The following KAZN variants were observed in gnomAD, a reference collection of about 807,000 sequenced individuals.
KAZN encodes kazrin.
A neutral mutation model predicts 87.4 loss-of-function variants in KAZN; 40 were observed. That is an observed-to-expected ratio of 0.46 (90% confidence interval 0.36 to 0.60). The LOEUF (loss-of-function observed/expected upper bound fraction) is 0.60, where lower values mean the gene tolerates loss of function less well. KAZN is among the 20% of genes least tolerant of loss of function. The probability of loss-of-function intolerance (pLI) is 0.00; values close to 1 mark genes in which losing one functional copy is unlikely to be tolerated. For missense variants in KAZN, 898 were observed against 1,073.9 expected, an observed-to-expected ratio of 0.84 and a Z score of 2.29; for synonymous variants, 466 against 458.3, an observed-to-expected ratio of 1.02 and a Z score of -0.22.
At chr1:14,621,115 G>T (rs1678663416) in intron 1 of KAZN, among the ~76,000 whole-genome samples, 1 of 152,194 alleles carries the variant, frequency 6.6e-6, no homozygotes, top group South Asian at 2.1e-4. Context: ...ACAGTTGCTG[G>T]AATGGAGGCC....
intron 2 of KAZN, among the ~76,000 whole-genome samples, chr1:14,573,315 G>A (rs914710427): frequency 6.6e-6 from 1 of 152,132 alleles, no homozygotes; most frequent in Admixed American, 6.5e-5. Flanking sequence ...TCTACTTGTG[G>A]CTTTCCCATA....
At chr1:14,562,744 G>A (rs757722560) in intron 2 of KAZN, among the ~76,000 whole-genome samples, 38 of 152,306 alleles carry the variant, frequency 2.5e-4, no homozygotes, top group Non-Finnish European at 5.0e-4. Flanking sequence ...AGTGCAAGGA[G>A]TGCCCTGTGT....
In KAZN at chr1:14,299,944, G is replaced by A. The variant is rs139324933; in HGVS notation, c.249+119352G>A. On this transcript the variant is annotated intron_variant, in intron 2 of 16. Coordinates refer to the KAZN transcript ENST00000636203. Reference sequence around the variant, plus strand: ...ATTAAGGCAATTACAGTGGTGGGTGGGGAGGCTTTGTTATATAACATGGTT... The same window carrying A: ...ATTAAGGCAATTACAGTGGTGGGTGAGGAGGCTTTGTTATATAACATGGTT... Among the ~76,000 whole-genome samples the A allele has an allele frequency of 1.8e-3, 278 of 152,254 alleles. 2 individuals are homozygous for A. The highest frequency in any genetic ancestry group is 0.016 in the Admixed American group (249 of 15,292).
At chr1:14,947,365 G>A (rs1661942637) in intron 1 of KAZN, among the ~76,000 whole-genome samples, 1 of 152,210 alleles carries the variant, frequency 6.6e-6, no homozygotes, top group African/African-American at 2.4e-5. Context: ...CCCGGGGCTT[G>A]CTGTCCCTCC....
At chr1:14,177,782 CTG>C (rs1012035253) in intron 1 of KAZN, among the ~76,000 whole-genome samples, 5 of 146,872 alleles carry the variant, frequency 3.4e-5, no homozygotes, top group Non-Finnish European at 6.0e-5. Context: ...CTCATTTTCA[CTG>C]TGTGTGTGTG....
At chr1:14,908,007 C>T (rs1656804739) in intron 1 of KAZN, among the ~76,000 whole-genome samples, 1 of 152,228 alleles carries the variant, frequency 6.6e-6, no homozygotes, top group Non-Finnish European at 1.5e-5. Context: ...TAACTCTGTG[C>T]CAGCATCATG....
At chr1:14,612,405 G>A (rs1323482660) in intron 1 of KAZN, among the ~76,000 whole-genome samples, 1 of 152,206 alleles carries the variant, frequency 6.6e-6, no homozygotes, top group African/African-American at 2.4e-5. Context: ...GATGCAGGGC[G>A]GGACACTTGA....
intron 1 of KAZN, among the ~76,000 whole-genome samples, chr1:14,916,462 G>A (rs1657831709): frequency 2.6e-5 from 4 of 152,176 alleles, no homozygotes; most frequent in Admixed American, 2.6e-4. Flanking sequence ...ACAGGCGTGA[G>A]CCACCACACC....
intron 1 of KAZN, among the ~76,000 whole-genome samples, chr1:14,623,407 A>G (rs1678866467): frequency 6.6e-6 from 1 of 152,204 alleles, no homozygotes; most frequent in Non-Finnish European, 1.5e-5. Flanking sequence ...TATAAGTGGG[A>G]GCGAAACATT....
intron 2 of KAZN, among the ~76,000 whole-genome samples, chr1:14,965,030 T>TA (rs1557667327): frequency 1.3e-5 from 2 of 151,514 alleles, no homozygotes; most frequent in African/African-American, 4.8e-5. Context: ...ATATATATAT[T>TA]TTTTTCTTTT....
chr1:14,257,564 G>C (rs1343207706), intron 2 of KAZN, among the ~76,000 whole-genome samples: 2 of 141,700 alleles, frequency 1.4e-5, no homozygotes, highest in East Asian at 4.2e-4. Flanking sequence ...GTCCTGAATG[G>C]TAATGCCTAG....
At chr1:14,600,845 G>T (rs1003619182) in intron 1 of KAZN, among the ~76,000 whole-genome samples, 16 of 152,148 alleles carry the variant, frequency 1.1e-4, no homozygotes, top group Admixed American at 5.9e-4. Flanking sequence ...CCCTTTCTCC[G>T]CGAAGGAAAA....
intron 1 of KAZN, among the ~76,000 whole-genome samples, chr1:14,624,440 CA>C (rs1188466860): frequency 6.4e-5 from 9 of 140,618 alleles, no homozygotes; most frequent in African/African-American, 2.2e-4. Flanking sequence ...AAAAAAACAA[CA>C]AAAAAAACCA....
chr1:14,855,121 G>C (rs1441237508), intron 1 of KAZN, among the ~76,000 whole-genome samples: 17 of 152,152 alleles, frequency 1.1e-4, no homozygotes, highest in Non-Finnish European at 1.5e-5. Context: ...CGGGAGTCTA[G>C]GAAGCATGGC....
intron 1 of KAZN, among the ~76,000 whole-genome samples, chr1:14,708,997 C>T (rs1396818274): frequency 6.6e-6 from 1 of 152,138 alleles, no homozygotes; most frequent in Non-Finnish European, 1.5e-5. Context: ...CTAGGAGGTG[C>T]ATGGTACCTG....
At chr1:15,038,282 C>G (rs748152836) in intron 3 of KAZN, among the ~76,000 whole-genome samples, 5 of 151,324 alleles carry the variant, frequency 3.3e-5, no homozygotes, top group Admixed American at 6.6e-5. Flanking sequence ...AAAAAAAAAG[C>G]AAGAGGGTGC....
intron 1 of KAZN, among the ~76,000 whole-genome samples, chr1:14,776,720 A>G (rs1489781556): frequency 6.6e-6 from 1 of 152,070 alleles, no homozygotes; most frequent in Non-Finnish European, 1.5e-5. Context: ...TGAGCTCGGG[A>G]GTTGGAGACC....
At chr1:14,666,263 G>A (rs561017329) in intron 1 of KAZN, among the ~76,000 whole-genome samples, 1 of 152,166 alleles carries the variant, frequency 6.6e-6, no homozygotes, top group Non-Finnish European at 1.5e-5. Flanking sequence ...GTCTTGTTGG[G>A]TGAGTCGGTA....
intron 2 of KAZN, among the ~76,000 whole-genome samples, chr1:14,989,203 C>T (rs943718487): frequency 2.6e-5 from 4 of 152,202 alleles, no homozygotes; most frequent in African/African-American, 7.2e-5. Flanking sequence ...CAGCTGGGCA[C>T]GGTGGCTCAC....
Sources: allele counts gnomAD v4.1 joint callset (sites outside exome capture counted in the v4.1 genomes callset), GRCh38; gene constraint gnomAD v4.1.1; transcripts MANE v1.5; gene names NCBI Gene and HGNC (gene_info 2026-07-23, HGNC 2026-07-21).